DIS3L2: variants seen among roughly 807,000 people sequenced by gnomAD.
DIS3L2 encodes the protein DIS3 like 3'-5' exoribonuclease 2, also known as DIS3-like exonuclease 2.
DIS3L2 carries 34 observed loss-of-function variants against 97.5 expected under a neutral mutation model. That is an observed-to-expected ratio of 0.35 (90% CI 0.27 to 0.46). The LOEUF (loss-of-function observed/expected upper bound fraction) is 0.46, where lower values mean the gene tolerates loss of function less well. DIS3L2 is among the 20% of genes least tolerant of loss of function. DIS3L2 has a pLI of 1.00. For missense variants in DIS3L2, 1,038 were observed against 1,146.0 expected (o/e 0.91, Z 1.36); for synonymous variants, 435 against 445.2 (o/e 0.98, Z 0.29).
At chr2:232,270,908 CTCTCTCTGTCTCG>C (rs1693989631) in intron 13 of DIS3L2, among the ~76,000 whole-genome samples, 7 of 130,530 alleles carry the variant, frequency 5.4e-5, no homozygotes, top group African/African-American at 1.1e-4. Context: ...CTCTCTCTCT[CTCTCTCTGTCTCG>C]TCTCTCTCTC....
chr2:232,185,643 T>G (rs995881511), intron 9 of DIS3L2, among the ~76,000 whole-genome samples: 1 of 152,146 alleles, frequency 6.6e-6, no homozygotes, highest in South Asian at 2.1e-4. Context: ...GAGACCTGCC[T>G]GACCAACATG....
intron 4 of DIS3L2, among the ~76,000 whole-genome samples, chr2:232,027,019 C>T (rs1694678210): frequency 6.6e-6 from 1 of 152,052 alleles, no homozygotes; most frequent in Admixed American, 6.6e-5. Context: ...CAATCAAGGC[C>T]CATTGCAAGT....
rs867003586 is a variant in DIS3L2, at chr2:232,048,580, A to G, written c.366+18500A>G. Among the ~76,000 whole-genome samples the G allele has an allele frequency of 4.6e-5, 7 of 152,184 alleles. No homozygotes were observed. In the South Asian group the frequency reaches 1.5e-3, roughly 32 times the overall value. On this transcript the variant is annotated intron_variant, in intron 5 of 20. Transcript: ENST00000325385. The stretch of plus-strand genomic sequence containing the variant: ...ACCTTGTCTCTATTAAAAATATAAA[A>G]AATTAGCCAGGTGTGGCGGGGTGCG...
intron 7 of DIS3L2, among the ~76,000 whole-genome samples, chr2:232,134,851 G>T (rs147997314): frequency 6.6e-6 from 1 of 151,980 alleles, no homozygotes; most frequent in South Asian, 2.1e-4. Flanking sequence ...GTGTGCATGT[G>T]GTATTGGTAT....
At chr2:232,270,130 G>A (rs1204909481) in intron 13 of DIS3L2, among the ~76,000 whole-genome samples, 3 of 152,158 alleles carry the variant, frequency 2.0e-5, no homozygotes, top group Non-Finnish European at 2.9e-5. Flanking sequence ...GGACACCACC[G>A]TGGTGGAGGT....
chr2:232,171,212 T>G (rs950056465), intron 9 of DIS3L2, among the ~76,000 whole-genome samples: 3 of 152,176 alleles, frequency 2.0e-5, no homozygotes, highest in African/African-American at 7.2e-5. Flanking sequence ...TGTTACTAGG[T>G]CATGAATAGG....
intron 4 of DIS3L2, 75 bp from the exon 5 acceptor site, chr2:232,029,904 A>T: frequency 5.6e-6 from 6 of 1,072,778 alleles, no homozygotes; most frequent in Non-Finnish European, 8.2e-6. Flanking sequence ...TATTTCAGTT[A>T]TGAAAGCAGG....
intron 8 of DIS3L2, among the ~76,000 whole-genome samples, chr2:232,138,566 T>G (rs529334422): frequency 6.6e-6 from 1 of 152,218 alleles, no homozygotes; most frequent in South Asian, 2.1e-4. Context: ...CTGCAGCTGT[T>G]GAGTATGTTG....
chr2:232,163,236 TA>T (rs1442591749), intron 8 of DIS3L2, among the ~76,000 whole-genome samples: 4 of 152,044 alleles, frequency 2.6e-5, no homozygotes, highest in African/African-American at 7.2e-5. Context: ...GAATGTCAAA[TA>T]AAAAAAGGTG....
intron 6 of DIS3L2, among the ~76,000 whole-genome samples, chr2:232,127,679 C>T (rs1359141795): frequency 6.6e-6 from 1 of 152,156 alleles, no homozygotes; most frequent in African/African-American, 2.4e-5. Flanking sequence ...CACCTATCTA[C>T]CTCTCATTCT....
chr2:232,292,656 G>T lies in DIS3L2; in HGVS notation c.1660-7384G>T, dbSNP rs936572305. 1.3e-5 allele frequency among the ~76,000 whole-genome samples: 2 copies of T among 152,328 alleles called. No individual in the cohort carries two copies. Among genetic ancestry groups the T allele is most frequent in the East Asian group, 1.9e-4 (1 of 5,174 alleles). ...AAAGGGGACCCAGTGGTAGTCTCAT[G>T]CTCTGGCCGCCTGGAGCCTGCCCTC... On this transcript the variant is annotated intron_variant, in intron 13 of 20. Transcript: ENST00000325385. This position sits in a 1 kb window ranked among gnomAD's most constrained non-coding sequence, Gnocchi z 4.4.
In DIS3L2 at chr2:232,209,640, C is replaced by T. The variant is rs1025366490; in HGVS notation, c.1125-686C>T. ...TATGGAGAGCCAAGGACAGCTGCTG[C>T]CAAGATCTTTAGGTGTTTACATGGT... On this transcript the variant is annotated intron_variant, in intron 9 of 20. Transcript: ENST00000325385. Among the ~76,000 whole-genome samples the T allele has an allele frequency of 2.4e-4, 37 of 152,192 alleles. 1 individual carries two copies. Among genetic ancestry groups the T allele is most frequent in the Admixed American group, 2.2e-3 (33 of 15,278 alleles).
intron 9 of DIS3L2, among the ~76,000 whole-genome samples, chr2:232,190,684 C>T (rs568203222): frequency 6.6e-6 from 1 of 152,146 alleles, no homozygotes; most frequent in East Asian, 1.9e-4. Context: ...GGGAAGAAGT[C>T]TAGATTACAG....
At chr2:232,340,932 G>A (rs1367762311), downstream of DIS3L2, 5 of 470,858 alleles carry the variant, frequency 1.1e-5, no homozygotes, top group Non-Finnish European at 2.2e-5. Flanking sequence ...AGACCATAGA[G>A]GAAAAAGAAA....
chr2:232,237,802 A>C (rs576813442), intron 10 of DIS3L2, among the ~76,000 whole-genome samples: 24 of 152,252 alleles, frequency 1.6e-4, no homozygotes, highest in African/African-American at 5.5e-4. Flanking sequence ...TAAAGTAAGG[A>C]AGATTTTGAT....
chr2:232,162,161 G>C (rs1690671004), intron 8 of DIS3L2, among the ~76,000 whole-genome samples: 1 of 152,150 alleles, frequency 6.6e-6, no homozygotes, highest in South Asian at 2.1e-4. Flanking sequence ...ATTGCTTTCT[G>C]TTAATTTTTC....
At chr2:232,076,832 G>A (rs536012680) in intron 5 of DIS3L2, among the ~76,000 whole-genome samples, 5 of 152,066 alleles carry the variant, frequency 3.3e-5, no homozygotes, top group African/African-American at 1.2e-4. Context: ...AATTCTGCCA[G>A]CTTTTTAGAT....
chr2:232,013,805 C>G (rs1399522162), intron 1 of DIS3L2, among the ~76,000 whole-genome samples: 1 of 152,216 alleles, frequency 6.6e-6, no homozygotes, highest in Non-Finnish European at 1.5e-5. Context: ...CTTTCTCTCC[C>G]TTCTTTCAAC....
rs140698824 is a variant in DIS3L2 at position 232,133,359 on chromosome 2, A to G, written c.702+2640A>G. Among the ~76,000 whole-genome samples the G allele has an allele frequency of 3.4e-3, 512 of 152,368 alleles. 7 individuals carry two copies. Among genetic ancestry groups the G allele is most frequent in the African/African-American group, 0.011 (477 of 41,594 alleles). ...AAGGCTATTTTCCAAGGAAATTGTC[A>G]TTGAAACTACAGCCCACAAAAGTAG... On this transcript the variant is annotated intron_variant, in intron 7 of 20. Coordinates refer to ENST00000325385, the MANE Select transcript of DIS3L2 (RefSeq NM_152383.5).
Sources: allele counts gnomAD v4.1 joint callset (sites outside exome capture counted in the v4.1 genomes callset), GRCh38; gene constraint gnomAD v4.1.1; non-coding constraint Gnocchi (gnomAD v3.1); transcripts MANE v1.5; gene names NCBI Gene and HGNC (gene_info 2026-07-23, HGNC 2026-07-21).